Variants in DNAH6 observed in about 807,000 individuals in gnomAD.
DNAH6 encodes dynein axonemal heavy chain 6.
Under a neutral mutation model 491.4 loss-of-function variants are expected in DNAH6, and 340 were observed. The observed-to-expected ratio is 0.69, with a 90% CI of 0.63 to 0.76. DNAH6 has a LOEUF of 0.76. Ranked by LOEUF, DNAH6 falls within the 30% of genes least tolerant of loss-of-function variation. DNAH6 has a pLI of 0.00. For synonymous variants in DNAH6, 1,603 were observed against 1,686.1 expected (o/e 0.95, Z 1.21); for missense variants, 4,443 against 4,972.2 (o/e 0.89, Z 3.20).
intron 62 of DNAH6, among the ~76,000 whole-genome samples, chr2:84,735,938 T>C (rs2104998517): frequency 6.6e-6 from 1 of 152,334 alleles, no homozygotes; most frequent in East Asian, 1.9e-4. Flanking sequence ...CATAAATACT[T>C]TGCCTAGGCC....
intron 42 of DNAH6, among the ~76,000 whole-genome samples, chr2:84,683,684 A>G (rs1315910639): frequency 6.6e-6 from 1 of 151,932 alleles, no homozygotes. Context: ...CGGCCTCCCA[A>G]AGTGCTGGGA....
chr2:84,741,022 A>G (rs1573663177), intron 62 of DNAH6, among the ~76,000 whole-genome samples: 1 of 152,198 alleles, frequency 6.6e-6, no homozygotes, highest in Non-Finnish European at 1.5e-5. Flanking sequence ...GGTGTCAGCC[A>G]TGGGCTTGCA....
intron 70 of DNAH6, among the ~76,000 whole-genome samples, chr2:84,801,464 T>G (rs1250749823): frequency 6.6e-6 from 1 of 152,076 alleles, no homozygotes; most frequent in Non-Finnish European, 1.5e-5. Flanking sequence ...AGAAAAAATC[T>G]TAAGGCATTA....
chr2:84,633,272 C>T (rs1190833711), intron 29 of DNAH6, among the ~76,000 whole-genome samples: 1 of 152,102 alleles, frequency 6.6e-6, no homozygotes, highest in Non-Finnish European at 1.5e-5. Flanking sequence ...TCCTTATCTC[C>T]CAAGCCTAAT....
At chr2:84,533,157 C>A (rs1487973915) in intron 4 of DNAH6, among the ~76,000 whole-genome samples, 2 of 152,014 alleles carry the variant, frequency 1.3e-5, no homozygotes, top group Non-Finnish European at 2.9e-5. Flanking sequence ...AAGGCTTTGC[C>A]CTGCTCAGAG....
At chr2:84,705,898 A>T (rs1033871547) in intron 52 of DNAH6, among the ~76,000 whole-genome samples, 151 bp downstream of exon 52, 2 of 152,164 alleles carry the variant, frequency 1.3e-5, no homozygotes, top group African/African-American at 4.8e-5. Flanking sequence ...AAGAGCTGGC[A>T]ATTTTTTTTC....
chr2:84,607,406 C>T (rs902063872), intron 21 of DNAH6, among the ~76,000 whole-genome samples: 2 of 151,862 alleles, frequency 1.3e-5, no homozygotes, highest in Non-Finnish European at 2.9e-5. Flanking sequence ...TTTTGGTTTC[C>T]AAGAACATAT....
At chr2:84,575,400 A>G (rs763476523) in intron 12 of DNAH6, among the ~76,000 whole-genome samples, 37 of 152,198 alleles carry the variant, frequency 2.4e-4, no homozygotes, top group Middle Eastern at 3.2e-3. Context: ...GAGCACTTAC[A>G]GCATGATAGA....
intron 60 of DNAH6, among the ~76,000 whole-genome samples, chr2:84,723,900 A>G (rs1302062393): frequency 6.6e-6 from 1 of 152,184 alleles, no homozygotes; most frequent in Admixed American, 6.5e-5. Context: ...GGCAATGCCA[A>G]TTTTGCTAAA....
intron 9 of DNAH6, among the ~76,000 whole-genome samples, chr2:84,550,920 G>C (rs187399460): frequency 6.6e-6 from 1 of 151,634 alleles, no homozygotes; most frequent in African/African-American, 2.4e-5. Context: ...TAAAGACACA[G>C]AGTACTATGA....
rs778720651 is a variant in DNAH6 at position 84,525,672 on chromosome 2, A to C, written c.333A>C (p.Ala111=). ...AGIIKRPVSI[A]KKSFATSSTQ... ...TCATTAAACGTCCAGTAAGCATAGC[A>C]AAAAAAAGTTTTGCCACATCATCTA... Residue 111 remains alanine (A), a synonymous_variant, in exon 3 of 77, where the codon GCA becomes GCC. Transcript: ENST00000389394. 6.5e-7 allele frequency: 1 copy of C among 1,545,086 alleles called. No homozygotes were observed.
At chr2:84,641,855 A>G in intron 32 of DNAH6, 92 bp from the exon 33 acceptor site, 1 of 958,152 alleles carries the variant, frequency 1.0e-6, no homozygotes, top group South Asian at 1.6e-5. Flanking sequence ...AGGAATCCTC[A>G]GGGGAAGGGC....
intron 16 of DNAH6, among the ~76,000 whole-genome samples, chr2:84,590,291 C>T (rs1356113170): frequency 2.0e-5 from 3 of 151,864 alleles, no homozygotes; most frequent in Admixed American, 6.6e-5. Flanking sequence ...GTCAGGAGTT[C>T]GAGACCAGCC....
At chr2:84,464,857 T>G in the DNAH6 span, among the ~76,000 whole-genome samples, 1 of 152,122 alleles carries the variant, frequency 6.6e-6, no homozygotes, top group Non-Finnish European at 1.5e-5. Context: ...ATCCTGTAAC[T>G]TAGAATGCCT....
chr2:84,813,883 C>T, intron 74 of DNAH6, 88 bp from the exon 75 acceptor site: 1 of 1,391,044 alleles, frequency 7.2e-7, no homozygotes, highest in Admixed American at 2.1e-5. Flanking sequence ...TCTCTAATGC[C>T]AGGGCAGCCT....
chr2:84,799,999 A>G (rs1678738447), intron 70 of DNAH6, among the ~76,000 whole-genome samples: 1 of 152,140 alleles, frequency 6.6e-6, no homozygotes, highest in Non-Finnish European at 1.5e-5. Flanking sequence ...CTCCACCCCC[A>G]CTGAGGGCTA....
At chr2:84,789,308 CA>C (rs1339105213) in intron 68 of DNAH6, among the ~76,000 whole-genome samples, 2 of 152,214 alleles carry the variant, frequency 1.3e-5, no homozygotes, top group Non-Finnish European at 2.9e-5. Flanking sequence ...GTTCATTTTA[CA>C]CAATTTTTAC....
At chr2:84,648,414 C>G (rs1264677087) in intron 33 of DNAH6, among the ~76,000 whole-genome samples, 8 of 152,194 alleles carry the variant, frequency 5.3e-5, no homozygotes, top group Non-Finnish European at 1.0e-4. Context: ...AGTGATTTCT[C>G]TAATGGATCC....
chr2:84,547,654 T>C, intron 7 of DNAH6, 42 bp downstream of exon 7: 1 of 1,523,918 alleles, frequency 6.6e-7, no homozygotes. Context: ...AAGTGGTGGC[T>C]TTCTAAAATT....
Sources: gnomAD v4.1 joint callset for allele counts (sites outside exome capture counted in the v4.1 genomes callset) on GRCh38, gnomAD v4.1.1 for gene constraint, MANE v1.5 for transcripts, NCBI Gene and HGNC (gene_info 2026-07-23, HGNC 2026-07-21) for gene names.